The following KCNJ6 variants were observed in gnomAD, a reference collection of about 807,000 sequenced individuals.
KCNJ6 encodes potassium inwardly rectifying channel subfamily J member 6.
A neutral mutation model predicts 34.2 loss-of-function variants in KCNJ6; 9 were observed. The observed-to-expected ratio is 0.26, with a 90% CI of 0.16 to 0.46. The LOEUF (loss-of-function observed/expected upper bound fraction) is 0.46, where lower values mean the gene tolerates loss of function less well. Among genes scored for constraint, KCNJ6 ranks in the 20% least tolerant of loss-of-function variants. The probability of loss-of-function intolerance (pLI) is 1.00; values close to 1 mark genes in which losing one functional copy is unlikely to be tolerated. For synonymous variants in KCNJ6, 196 were observed against 207.1 expected, an observed-to-expected ratio of 0.95 and a Z score of 0.46; for missense variants, 236 against 531.3, an observed-to-expected ratio of 0.44 and a Z score of 5.46.
At chr21:37,671,890 T>A (rs2054543864) in intron 3 of KCNJ6, among the ~76,000 whole-genome samples, 1 of 152,238 alleles carries the variant, frequency 6.6e-6, no homozygotes. Flanking sequence ...TTCAACATTT[T>A]TTTTTGTGTT....
chr21:37,912,177 C>A (rs1017349660), intron 1 of KCNJ6, among the ~76,000 whole-genome samples: 1 of 152,044 alleles, frequency 6.6e-6, no homozygotes, highest in Non-Finnish European at 1.5e-5. Flanking sequence ...CAAAATGGAA[C>A]CAAGTGAATG....
At chr21:37,689,900 G>A (rs1006190924) in intron 3 of KCNJ6, among the ~76,000 whole-genome samples, 2 of 152,032 alleles carry the variant, frequency 1.3e-5, no homozygotes, top group Non-Finnish European at 2.9e-5. Context: ...AGAGTCAAAA[G>A]TTGGGTCTCA....
At chr21:37,913,320 G>A (rs2055875809) in intron 1 of KCNJ6, among the ~76,000 whole-genome samples, 1 of 152,170 alleles carries the variant, frequency 6.6e-6, no homozygotes, top group African/African-American at 2.4e-5. Flanking sequence ...TAAGAGAAGT[G>A]ACTCCTCTCG....
intron 1 of KCNJ6, among the ~76,000 whole-genome samples, chr21:37,896,487 G>A (rs2055788783): frequency 6.6e-6 from 1 of 152,150 alleles, no homozygotes; most frequent in African/African-American, 2.4e-5. Context: ...CCTGGCATGG[G>A]GTTCGGCTGT....
At chr21:37,875,764 C>A (rs892958695) in intron 1 of KCNJ6, among the ~76,000 whole-genome samples, 1 of 152,200 alleles carries the variant, frequency 6.6e-6, no homozygotes, top group African/African-American at 2.4e-5. Flanking sequence ...ACAAACCCGG[C>A]CTCCAGAAAA....
intron 3 of KCNJ6, among the ~76,000 whole-genome samples, chr21:37,709,505 A>C (rs2054738968): frequency 7.5e-6 from 1 of 133,032 alleles, no homozygotes. Flanking sequence ...CGAGAGCAAA[A>C]CCCTGTCTCA....
chr21:37,801,248 G>C lies in KCNJ6; in HGVS notation c.25+39410C>G, dbSNP rs2055267951. Among the ~76,000 whole-genome samples, 5 of 152,206 alleles carry C rather than the reference G, an allele frequency of 3.3e-5. No homozygotes were observed. In the South Asian group the frequency reaches 1.0e-3, roughly 32 times the overall value. Reference sequence around the variant, plus strand: ...CGATTTTTGGCTTCATTTATTGTCTGGGTTTTGATACCAGATGAACATTTT... The same window carrying C: ...CGATTTTTGGCTTCATTTATTGTCTCGGTTTTGATACCAGATGAACATTTT... On this transcript the variant is annotated intron_variant, in intron 2 of 3. Coordinates refer to ENST00000609713, the MANE Select transcript of KCNJ6 (RefSeq NM_002240.5).
chr21:37,756,668 G>GCA (rs2055027906), intron 2 of KCNJ6, among the ~76,000 whole-genome samples: 1 of 148,248 alleles, frequency 6.7e-6, no homozygotes, highest in African/African-American at 2.5e-5. Flanking sequence ...TTCCAGCCTG[G>GCA]AGTGAGCACT....
intron 1 of KCNJ6, among the ~76,000 whole-genome samples, chr21:37,898,542 A>G (rs2123642506): frequency 6.6e-6 from 1 of 151,828 alleles, no homozygotes; most frequent in Admixed American, 6.6e-5. Flanking sequence ...AGATCACGCT[A>G]CTGGACTCCA....
chr21:37,682,547 TC>T (rs1259168157), intron 3 of KCNJ6, among the ~76,000 whole-genome samples: 1 of 350 alleles, frequency 2.9e-3, no homozygotes, highest in Non-Finnish European at 6.3e-3. Flanking sequence ...CACGTGACCT[TC>T]TTCTGTGTGT....
chr21:37,806,091 T>C (rs1263105527), intron 2 of KCNJ6, among the ~76,000 whole-genome samples: 1 of 152,222 alleles, frequency 6.6e-6, no homozygotes. Flanking sequence ...TTGAGTGAAT[T>C]ACTCTTCTGC....
At chr21:37,909,146 G>A (rs2055855386) in intron 1 of KCNJ6, among the ~76,000 whole-genome samples, 1 of 152,142 alleles carries the variant, frequency 6.6e-6, no homozygotes, top group Non-Finnish European at 1.5e-5. Flanking sequence ...GTGTCCCTCA[G>A]CCTGGGTCCT....
At chr21:37,785,566 C>A (rs1436503107) in intron 2 of KCNJ6, among the ~76,000 whole-genome samples, 1 of 152,212 alleles carries the variant, frequency 6.6e-6, no homozygotes, top group Non-Finnish European at 1.5e-5. Context: ...AGTCAGGATG[C>A]ACTATTAGCA....
rs560983383 is a variant in KCNJ6 at position 37,762,586 on chromosome 21, T to C, written c.26-47455A>G. 1.1e-4 allele frequency among the ~76,000 whole-genome samples: 16 copies of C among 152,320 alleles called. No homozygotes were observed. In the Middle Eastern group the frequency reaches 0.01, roughly 97 times the overall value. Reference sequence around the variant, plus strand: ...TGAATAAGAGGCAATGGGGACCCTGTTGAGGTCAACTCTTGTATGTTACCA... The same window carrying C: ...TGAATAAGAGGCAATGGGGACCCTGCTGAGGTCAACTCTTGTATGTTACCA... On this transcript the variant is annotated intron_variant, in intron 2 of 3. Coordinates refer to ENST00000609713, the MANE Select transcript of KCNJ6 (RefSeq NM_002240.5).
At chr21:37,704,267 T>G (rs2054707266) in intron 3 of KCNJ6, among the ~76,000 whole-genome samples, 1 of 116,248 alleles carries the variant, frequency 8.6e-6, no homozygotes, top group South Asian at 2.8e-4. Flanking sequence ...CAGCAGCATA[T>G]TTGTTCCCCT....
intron 2 of KCNJ6, among the ~76,000 whole-genome samples, chr21:37,729,778 A>AGGT (rs2054874807): frequency 6.6e-6 from 1 of 152,224 alleles, no homozygotes; most frequent in Non-Finnish European, 1.5e-5. Context: ...AACCTAGTCA[A>AGGT]TGCTTCCCCT....
rs887296478 is a variant in KCNJ6 at position 37,614,723 on chromosome 21, CGT to C, written c.*10434_*10435del. The C allele has an allele frequency of 1.4e-4, 16 of 110,786 alleles. No homozygotes were observed. The highest frequency in any genetic ancestry group is 8.9e-4 in the East Asian group (3 of 3,372). 6.9% of individuals were successfully genotyped at this position (110,786 alleles called of 1,614,324 possible). ...GTGTGTGTATGCATGTGCATGTATG[CGT>C]GTGTGTGTATGCGCATGTCTCTGTA... On this transcript the variant is annotated 3_prime_UTR_variant, in exon 4 of 4. Coordinates refer to ENST00000609713, the MANE Select transcript of KCNJ6 (RefSeq NM_002240.5).
intron 2 of KCNJ6, among the ~76,000 whole-genome samples, chr21:37,779,710 T>G (rs902425221): frequency 2.0e-5 from 3 of 152,204 alleles, no homozygotes; most frequent in African/African-American, 7.2e-5. Context: ...AATGTCTCTC[T>G]AAAAGCACAT....
intron 2 of KCNJ6, among the ~76,000 whole-genome samples, chr21:37,746,706 GACAGTGCCTGGC>G (rs2054969341): frequency 1.3e-5 from 2 of 152,194 alleles, no homozygotes; most frequent in South Asian, 4.1e-4. Context: ...CCAGCACTGA[GACAGTGCCTGGC>G]ACATAACAAG....
Sources: allele counts gnomAD v4.1 joint callset (sites outside exome capture counted in the v4.1 genomes callset), GRCh38; gene constraint gnomAD v4.1.1; transcripts MANE v1.5; gene names NCBI Gene and HGNC (gene_info 2026-07-23, HGNC 2026-07-21).